Variants in NRG3 observed in about 807,000 individuals in gnomAD.
NRG3 encodes the protein neuregulin 3, also known as pro-neuregulin-3, membrane-bound isoform.
In NRG3, 31 loss-of-function variants were observed where a neutral mutation model predicts 66.9. The ratio of observed to expected loss-of-function variants is 0.46; its 90% confidence interval spans 0.35 to 0.63. NRG3 has a LOEUF of 0.63. NRG3 is among the 20% of genes least tolerant of loss of function. NRG3 has a pLI of 0.00. For synonymous variants in NRG3, 393 were observed against 359.4 expected, an observed-to-expected ratio of 1.09 and a Z score of -1.06; for missense variants, 910 against 878.9, an observed-to-expected ratio of 1.04 and a Z score of -0.45.
intron 1 of NRG3, among the ~76,000 whole-genome samples, chr10:82,144,444 C>T (rs971485830): frequency 6.6e-6 from 1 of 152,190 alleles, no homozygotes; most frequent in Admixed American, 6.5e-5. Flanking sequence ...ACCCAGGACA[C>T]CTGGCCATCT....
intron 1 of NRG3, among the ~76,000 whole-genome samples, chr10:82,034,261 T>C (rs2062695895): frequency 6.6e-6 from 1 of 152,148 alleles, no homozygotes; most frequent in Admixed American, 6.5e-5. Context: ...ATTTAAAGGT[T>C]CTTAAATTTC....
intron 1 of NRG3, among the ~76,000 whole-genome samples, chr10:82,342,987 G>T (rs1185706012): frequency 6.6e-6 from 1 of 151,976 alleles, no homozygotes; most frequent in Non-Finnish European, 1.5e-5. Flanking sequence ...TCTGCATATG[G>T]TTATCCAATT....
chr10:82,374,118 A>C (rs999179260), intron 2 of NRG3, among the ~76,000 whole-genome samples: 13 of 152,312 alleles, frequency 8.5e-5, no homozygotes, highest in Admixed American at 6.5e-5. Flanking sequence ...TTAGACGACA[A>C]ATTTGAGGTG....
At chr10:82,814,766 TCTTA>T (rs900908785) in intron 3 of NRG3, among the ~76,000 whole-genome samples, 4 of 152,244 alleles carry the variant, frequency 2.6e-5, no homozygotes, top group East Asian at 3.8e-4. Context: ...ATAAATATCA[TCTTA>T]CTTCATTCTC....
intron 4 of NRG3, among the ~76,000 whole-genome samples, chr10:82,875,695 A>C (rs993054122): frequency 1.3e-5 from 2 of 152,116 alleles, no homozygotes; most frequent in African/African-American, 4.8e-5. Flanking sequence ...CTGTTGGTTT[A>C]TTTTAACATG....
rs1158094196 is a variant in NRG3, at chr10:82,013,653, TCCTTTAAAAAAGGA to T, written c.823+137492_823+137505del. On this transcript the variant is annotated intron_variant, in intron 1 of 8. Coordinates refer to ENST00000372141, the MANE Select transcript of NRG3 (RefSeq NM_001010848.4). The stretch of plus-strand genomic sequence containing the variant: ...TCTTTTGCAAGGTCAGACTGTAGAT[TCCTTTAAAAAAGGA>T]CTTTTTATTGATAGAAAATGTGTTT... 5.9e-5 allele frequency among the ~76,000 whole-genome samples: 9 copies of T among 152,258 alleles called. 2 individuals are homozygous for T. Among genetic ancestry groups the T allele is most frequent in the African/African-American group, 2.2e-4 (9 of 41,564 alleles).
At chr10:82,240,382 A>G (rs1013061099) in intron 1 of NRG3, among the ~76,000 whole-genome samples, 1 of 151,106 alleles carries the variant, frequency 6.6e-6, no homozygotes, top group African/African-American at 2.4e-5. Context: ...TACATATAAA[A>G]TGCATGTTTT....
At chr10:82,116,351 G>A (rs757915529) in intron 1 of NRG3, among the ~76,000 whole-genome samples, 8 of 152,186 alleles carry the variant, frequency 5.3e-5, no homozygotes, top group Admixed American at 2.6e-4. Flanking sequence ...CTTAAACAGC[G>A]CTCTGGTTTC....
chr10:82,106,448 G>A (rs574624296), intron 1 of NRG3, among the ~76,000 whole-genome samples: 1 of 151,814 alleles, frequency 6.6e-6, no homozygotes, highest in African/African-American at 2.4e-5. Context: ...ATCACCTAAG[G>A]TTAGGCTAGT....
intron 1 of NRG3, among the ~76,000 whole-genome samples, chr10:82,054,040 C>G (rs149165647): frequency 1.3e-5 from 2 of 152,006 alleles, no homozygotes; most frequent in Non-Finnish European, 2.9e-5. Flanking sequence ...GATATGAGGT[C>G]GGAGAAGTAA....
Position 82,502,211 on chromosome 10 carries a change from C to T in NRG3, c.953+143343C>T, listed in dbSNP as rs60244569. 5.4e-3 allele frequency among the ~76,000 whole-genome samples: 829 copies of T among 152,238 alleles called. 10 individuals carry two copies. The highest frequency in any genetic ancestry group is 0.019 in the African/African-American group (794 of 41,534). ...TGTTTTATTAGCAATCTAAAAGTCTCTAGAGTGAGCTTGCCAGGTTCTGGA... is the reference window on the plus strand; with the variant it reads ...TGTTTTATTAGCAATCTAAAAGTCTTTAGAGTGAGCTTGCCAGGTTCTGGA... On this transcript the variant is annotated intron_variant, in intron 2 of 8. Transcript: ENST00000372141.
At chr10:81,896,041 G>A (rs1843498222) in intron 1 of NRG3, among the ~76,000 whole-genome samples, 1 of 152,092 alleles carries the variant, frequency 6.6e-6, no homozygotes. Context: ...TTGTACGTAG[G>A]AACTGGTCTT....
At chr10:82,318,395 A>T (rs934403701) in intron 1 of NRG3, among the ~76,000 whole-genome samples, 1 of 152,172 alleles carries the variant, frequency 6.6e-6, no homozygotes, top group African/African-American at 2.4e-5. Flanking sequence ...TGTAAACACC[A>T]TACACAGAGG....
chr10:82,307,309 T>G (rs2080796109), intron 1 of NRG3, among the ~76,000 whole-genome samples: 1 of 152,190 alleles, frequency 6.6e-6, no homozygotes, highest in African/African-American at 2.4e-5. Flanking sequence ...CTGTGAGAGA[T>G]AAGTTAAAAT....
At chr10:82,898,715 C>CTTCTTT (rs1564613705) in intron 4 of NRG3, among the ~76,000 whole-genome samples, 6 of 89,388 alleles carry the variant, frequency 6.7e-5, no homozygotes, top group East Asian at 4.4e-4. Flanking sequence ...GGAGTTTTAC[C>CTTCTTT]TTTTTTTTTT....
At chr10:82,878,236 T>C (rs543974067) in intron 4 of NRG3, among the ~76,000 whole-genome samples, 1 of 152,274 alleles carries the variant, frequency 6.6e-6, no homozygotes, top group South Asian at 2.1e-4. Flanking sequence ...TTGATGTAGT[T>C]GGTGAAGGGG....
At chr10:82,944,736 A>G (rs73313209) in intron 4 of NRG3, among the ~76,000 whole-genome samples, 13,677 of 152,230 alleles carry the variant, frequency 0.09, 811 homozygotes, top group African/African-American at 0.15. Flanking sequence ...CAGCCCAAAT[A>G]AATGCATTAA....
chr10:82,636,729 G>A (rs1418580276), intron 2 of NRG3, among the ~76,000 whole-genome samples: 3 of 152,022 alleles, frequency 2.0e-5, no homozygotes, highest in Admixed American at 6.6e-5. Flanking sequence ...ATCTTTATGA[G>A]GTGGTGATTT....
At chr10:82,648,955 G>A (rs1024516563) in intron 2 of NRG3, among the ~76,000 whole-genome samples, 1 of 152,054 alleles carries the variant, frequency 6.6e-6, no homozygotes, top group Non-Finnish European at 1.5e-5. Flanking sequence ...AATAAATTAG[G>A]TATTGATGGG....
Sources: gnomAD v4.1 joint callset for allele counts (sites outside exome capture counted in the v4.1 genomes callset) on GRCh38, gnomAD v4.1.1 for gene constraint, MANE v1.5 for transcripts, NCBI Gene and HGNC (gene_info 2026-07-23, HGNC 2026-07-21) for gene names.